Variants in FRMPD4 observed in about 807,000 individuals in gnomAD.
The protein encoded by FRMPD4 is FERM and PDZ domain containing 4, also known as FERM and PDZ domain-containing protein 4.
FRMPD4 carries 22 observed loss-of-function variants against 94.1 expected under a neutral mutation model. The ratio of observed to expected loss-of-function variants is 0.23; its 90% CI spans 0.17 to 0.33. FRMPD4 has a LOEUF of 0.33. Ranked by LOEUF, FRMPD4 falls within the 10% of genes least tolerant of loss-of-function variation. FRMPD4 has a pLI of 1.00. For synonymous variants in FRMPD4, 631 were observed against 548.6 expected (o/e 1.15, Z -2.10); for missense variants, 1,111 against 1,339.9 (o/e 0.83, Z 2.67).
intron 3 of FRMPD4, among the ~76,000 whole-genome samples, chrX:12,035,154 A>C (rs1372586420): frequency 8.9e-6 from 1 of 112,446 alleles, no homozygotes; most frequent in Admixed American, 9.4e-5. Context: ...ATTGGCATCA[A>C]GTCCAAGTTG....
chrX:12,065,208 A>G (rs745370863), intron 3 of FRMPD4, among the ~76,000 whole-genome samples: 1 of 112,096 alleles, frequency 8.9e-6, no homozygotes, highest in South Asian at 3.8e-4. Flanking sequence ...CTTTAAACAG[A>G]TTTCTGTATG....
intron 5 of FRMPD4, among the ~76,000 whole-genome samples, chrX:12,680,920 C>T (rs769470779): frequency 5.1e-4 from 57 of 110,858 alleles, no homozygotes; most frequent in Admixed American, 3.0e-3. Flanking sequence ...AGTAACCTTA[C>T]GTATTTTCGT....
At chrX:12,532,981 T>C (rs2058300062) in intron 2 of FRMPD4, among the ~76,000 whole-genome samples, 1 of 112,403 alleles carries the variant, frequency 8.9e-6, no homozygotes, top group Admixed American at 9.4e-5. Context: ...TGTATTTTAT[T>C]TTATGCATTT....
chrX:11,985,053 T>C (rs896644022), intron 3 of FRMPD4, among the ~76,000 whole-genome samples: 1 of 112,053 alleles, frequency 8.9e-6, no homozygotes, highest in African/African-American at 3.2e-5. Context: ...TGGAGCAAGA[T>C]GGACAAACAG....
chrX:12,078,689 T>C (rs146008995), intron 3 of FRMPD4, among the ~76,000 whole-genome samples: 453 of 112,308 alleles, frequency 4.0e-3, no homozygotes, highest in African/African-American at 0.014. Flanking sequence ...AGGACAGTAT[T>C]TCTCAACCTC....
At chrX:12,400,500 G>C (rs1449492921) in intron 1 of FRMPD4, among the ~76,000 whole-genome samples, 1 of 111,754 alleles carries the variant, frequency 8.9e-6, no homozygotes, top group Non-Finnish European at 1.9e-5. Flanking sequence ...TTGGTTTATA[G>C]GAAAATCACA....
At chrX:12,527,349 T>G (rs1831139292) in intron 2 of FRMPD4, among the ~76,000 whole-genome samples, 1 of 111,766 alleles carries the variant, frequency 8.9e-6, no homozygotes, top group African/African-American at 3.3e-5. Context: ...TTAGCCTCAT[T>G]TTTCCCTTCG....
intron 1 of FRMPD4, among the ~76,000 whole-genome samples, chrX:12,324,455 T>C (rs926725911): frequency 3.6e-5 from 4 of 112,384 alleles, no homozygotes; most frequent in African/African-American, 1.3e-4. Context: ...AAGGCATTTC[T>C]TGAGCTTGAC....
chrX:12,709,263 C>T (rs758553157), intron 13 of FRMPD4, among the ~76,000 whole-genome samples: 118 of 111,380 alleles, frequency 1.1e-3, no homozygotes, highest in Middle Eastern at 4.6e-3. Context: ...GCTGAATCCG[C>T]CCAGTGTCCT....
At chrX:12,563,793 T>C (rs1419641453) in intron 2 of FRMPD4, among the ~76,000 whole-genome samples, 1 of 112,276 alleles carries the variant, frequency 8.9e-6, no homozygotes, top group Non-Finnish European at 1.9e-5. Flanking sequence ...AACATGTCCT[T>C]ATAATTGGGT....
Position 12,707,484 on chromosome X carries a change from T to A in FRMPD4, c.1303T>A (p.Ser435Thr). Residue 435 changes from serine to threonine, a missense_variant, in exon 13 of 17, where the codon TCG (serine) becomes ACG (threonine). By Grantham distance (58) the Ser-to-Thr change is moderately conservative. Transcript: ENST00000675598. Reference sequence around the variant, plus strand: ...TCTTTCTCAGCAGGCAGAAAAGCGCTCGGAAGTGACTCTCCTGGTTGGGCC... The same window carrying A: ...TCTTTCTCAGCAGGCAGAAAAGCGCACGGAAGTGACTCTCCTGGTTGGGCC... ...KATLVQAEKRSEVTLLVGPRY... is the reference protein window; with the variant it reads ...KATLVQAEKRTEVTLLVGPRY... 1.7e-6 allele frequency: 2 copies of A among 1,201,286 alleles called. No individual in the cohort carries two copies. Among genetic ancestry groups the A allele is most frequent in the Non-Finnish European group, 2.2e-6 (2 of 890,737 alleles).
At chrX:11,846,919 A>G (rs1258116105) in intron 1 of FRMPD4, among the ~76,000 whole-genome samples, 2 of 108,750 alleles carry the variant, frequency 1.8e-5, no homozygotes, top group Non-Finnish European at 3.8e-5. Context: ...ACCTAAAACC[A>G]TAAAAACCCT....
intron 1 of FRMPD4, among the ~76,000 whole-genome samples, chrX:12,320,576 G>A (rs1268570675): frequency 9.0e-6 from 1 of 111,699 alleles, no homozygotes; most frequent in Non-Finnish European, 1.9e-5. Flanking sequence ...TAGATCCATT[G>A]AGAAACAGAC....
chrX:12,345,291 C>T (rs1207581217), intron 1 of FRMPD4, among the ~76,000 whole-genome samples: 1 of 111,117 alleles, frequency 9.0e-6, no homozygotes, highest in African/African-American at 3.3e-5. Flanking sequence ...TCCCCTTCCT[C>T]CTGTAATGTG....
At chrX:11,854,752 G>T (rs1278142796) in intron 1 of FRMPD4, among the ~76,000 whole-genome samples, 2 of 112,662 alleles carry the variant, frequency 1.8e-5, no homozygotes, top group Non-Finnish European at 3.8e-5. Flanking sequence ...CCGTGGCTTT[G>T]CAGGGTACAG....
chrX:12,649,645 G>A (rs925435940), intron 4 of FRMPD4, among the ~76,000 whole-genome samples: 10 of 112,325 alleles, frequency 8.9e-5, no homozygotes, highest in African/African-American at 3.2e-4. Context: ...CTCTAAGTGG[G>A]AATAATAATA....
At position 12,556,424 on chromosome X, in the gene FRMPD4, G is replaced by A. The variant is rs779105875; in HGVS notation, c.159-53297G>A. Among the ~76,000 whole-genome samples, 5 of 111,141 alleles carry A rather than the reference G, an allele frequency of 4.5e-5. No homozygotes were observed. In the East Asian group the frequency reaches 1.1e-3, roughly 25 times the overall value. ...AAAAGTAATGTTATGCACTGCCTAC[G>A]GAGGGGGGTGGACTCTAAGAGCTGA... On this transcript the variant is annotated intron_variant, in intron 2 of 16. Coordinates refer to ENST00000675598, the MANE Select transcript of FRMPD4 (RefSeq NM_001368397.1).
chrX:11,982,969 C>G (rs1457755580), intron 3 of FRMPD4, among the ~76,000 whole-genome samples: 2 of 111,430 alleles, frequency 1.8e-5, no homozygotes, highest in African/African-American at 6.5e-5. Flanking sequence ...TCTCTTGTAC[C>G]TTGGAACCTT....
At chrX:12,638,663 T>C (rs1355591515) in intron 4 of FRMPD4, among the ~76,000 whole-genome samples, 1 of 98,170 alleles carries the variant, frequency 1.0e-5, no homozygotes, top group Admixed American at 1.2e-4. Flanking sequence ...ATTGGTCTCC[T>C]TCTATGAACA....
Sources: allele counts gnomAD v4.1 joint callset (sites outside exome capture counted in the v4.1 genomes callset), GRCh38; gene constraint gnomAD v4.1.1; transcripts MANE v1.5; gene names NCBI Gene and HGNC (gene_info 2026-07-23, HGNC 2026-07-21).